Variants in FSHR observed in about 807,000 individuals in gnomAD.
FSHR encodes the protein follicle-stimulating hormone receptor.
FSHR carries 46 observed loss-of-function variants against 52.1 expected under a neutral mutation model. The ratio of observed to expected loss-of-function variants is 0.88; its 90% confidence interval spans 0.70 to 1.13. FSHR has a LOEUF of 1.13. FSHR is among the 50% of genes most tolerant of loss of function. The pLI is 0.00. For synonymous variants in FSHR, 399 were observed against 309.6 expected (o/e 1.29, Z -3.03); for missense variants, 964 against 834.6 (o/e 1.16, Z -1.91).
chr2:48,977,263 G>T (rs1675032753), intron 8 of FSHR, among the ~76,000 whole-genome samples: 1 of 152,096 alleles, frequency 6.6e-6, no homozygotes, highest in African/African-American at 2.4e-5. Context: ...TAGTTATTCT[G>T]GGCAATCATA....
At chr2:49,128,690 T>C (rs909172681) in intron 1 of FSHR, among the ~76,000 whole-genome samples, 1 of 149,046 alleles carries the variant, frequency 6.7e-6, no homozygotes, top group Admixed American at 6.7e-5. Flanking sequence ...TTTTTTTTTT[T>C]CTATAAAAAT....
chr2:49,116,733 G>A (rs1032010073), intron 1 of FSHR, among the ~76,000 whole-genome samples: 30 of 151,908 alleles, frequency 2.0e-4, no homozygotes, highest in Admixed American at 1.2e-3. Context: ...ATTTTTAATT[G>A]ACAAATAATG....
intron 1 of FSHR, among the ~76,000 whole-genome samples, chr2:49,093,099 T>C (rs185226085): frequency 1.4e-4 from 21 of 152,366 alleles, no homozygotes; most frequent in African/African-American, 4.8e-4. Context: ...TCATCCATAT[T>C]CATGAAGGAA....
At chr2:48,976,445 T>C (rs1674991909) in intron 8 of FSHR, among the ~76,000 whole-genome samples, 1 of 152,142 alleles carries the variant, frequency 6.6e-6, no homozygotes, top group African/African-American at 2.4e-5. Flanking sequence ...GCCTGAAATT[T>C]TTCTTTTTCT....
At chr2:49,113,306 C>A (rs554983584) in intron 1 of FSHR, among the ~76,000 whole-genome samples, 26 of 152,310 alleles carry the variant, frequency 1.7e-4, no homozygotes, top group African/African-American at 6.3e-4. Context: ...TGGCTGTATG[C>A]AGCTCTGTGC....
chr2:49,154,129 A>G, intron 1 of FSHR, 137 bp downstream of exon 1: 3 of 875,012 alleles, frequency 3.4e-6, no homozygotes, highest in Non-Finnish European at 5.6e-6. Context: ...CTGGGGAGTT[A>G]GTTGTTTTAT....
chr2:49,009,140 T>C (rs1667177333), intron 4 of FSHR, among the ~76,000 whole-genome samples: 1 of 151,952 alleles, frequency 6.6e-6, no homozygotes, highest in Admixed American at 6.6e-5. Flanking sequence ...AGTTTTCTTC[T>C]AGGGTTTTTA....
At chr2:49,030,271 AGTGTGTGT>A (rs141079184) in intron 2 of FSHR, among the ~76,000 whole-genome samples, 3,245 of 140,412 alleles carry the variant, frequency 0.023, 86 homozygotes, top group African/African-American at 0.064. Context: ...AGGAATAGCA[AGTGTGTGT>A]GTGTGTGTGT....
intron 1 of FSHR, among the ~76,000 whole-genome samples, chr2:49,116,886 T>C (rs529203154): frequency 6.6e-6 from 1 of 152,244 alleles, no homozygotes; most frequent in East Asian, 1.9e-4. Context: ...AAAACGAAAA[T>C]AAAGGAGCAT....
At position 48,963,892 on chromosome 2, in the gene FSHR, T is replaced by C. The variant is rs552219981; in HGVS notation, c.929A>G (p.Gln310Arg). Residue 310 changes from glutamine (Q) to arginine (R), a missense_variant, in exon 10 of 10, where the codon CAG (glutamine) becomes CGG (arginine). Physicochemically the swap from Gln to Arg is conservative, Grantham distance 43 (BLOSUM62 1). Coordinates refer to ENST00000406846, the MANE Select transcript of FSHR (RefSeq NM_000145.4). Reference protein sequence around the residue: ...EVDYMTQARGQRSSLAEDNES... With the variant: ...EVDYMTQARGRRSSLAEDNES... ...ATTGTCTTCTGCCAGAGAGGATCTC[T>C]GACCCCTAGCCTGAGTCATATAATC... 6.2e-7 allele frequency: 1 copy of C among 1,614,010 alleles called. No individual in the cohort carries two copies. Among genetic ancestry groups the C allele is most frequent in the Non-Finnish European group, 8.5e-7 (1 of 1,179,872 alleles).
chr2:49,049,375 T>A (rs1668772870), intron 2 of FSHR, among the ~76,000 whole-genome samples: 1 of 152,108 alleles, frequency 6.6e-6, no homozygotes, highest in Non-Finnish European at 1.5e-5. Context: ...GGAAGAAGAT[T>A]GCGTTTGATA....
At chr2:49,148,129 C>G (rs1409593999) in intron 1 of FSHR, among the ~76,000 whole-genome samples, 2 of 151,984 alleles carry the variant, frequency 1.3e-5, no homozygotes, top group Non-Finnish European at 2.9e-5. Flanking sequence ...TGGGCAAAAT[C>G]ACTTTCCTCT....
At chr2:48,964,000 C>A (rs1278404676) in intron 9 of FSHR, 34 bp from the exon 10 acceptor site, 1 of 1,595,320 alleles carries the variant, frequency 6.3e-7, no homozygotes, top group East Asian at 2.2e-5. Flanking sequence ...GAATCAACAT[C>A]TCAGATCCAG....
At chr2:49,068,436 C>T (rs1669594520) in intron 1 of FSHR, 146 bp from the exon 2 acceptor site, 1 of 712,056 alleles carries the variant, frequency 1.4e-6, no homozygotes, top group Admixed American at 2.0e-5. Context: ...TCTCTCTTTT[C>T]ATCCTGTCTA....
intron 1 of FSHR, among the ~76,000 whole-genome samples, chr2:49,114,817 G>C (rs568117083): frequency 2.9e-4 from 44 of 152,130 alleles, no homozygotes; most frequent in African/African-American, 1.0e-3. Flanking sequence ...GACAATAAAA[G>C]CTTACTGGGC....
At chr2:48,985,702 T>C in intron 6 of FSHR, among the ~76,000 whole-genome samples, 1 of 131,442 alleles carries the variant, frequency 7.6e-6, no homozygotes, top group African/African-American at 3.0e-5. Flanking sequence ...TACAGGTTTT[T>C]TTTTTTTTTT....
intron 1 of FSHR, among the ~76,000 whole-genome samples, chr2:49,098,433 C>A (rs1670904003): frequency 6.6e-6 from 1 of 151,920 alleles, no homozygotes; most frequent in South Asian, 2.1e-4. Flanking sequence ...AGAAGTGATG[C>A]TTGGATTAAA....
At chr2:49,038,895 T>C (rs1668387990) in intron 2 of FSHR, among the ~76,000 whole-genome samples, 1 of 151,874 alleles carries the variant, frequency 6.6e-6, no homozygotes, top group Non-Finnish European at 1.5e-5. Context: ...TCCAGAACAA[T>C]AGAGAAGGAG....
intron 1 of FSHR, among the ~76,000 whole-genome samples, chr2:49,144,367 A>T (rs1040949500): frequency 6.6e-6 from 1 of 152,104 alleles, no homozygotes; most frequent in Non-Finnish European, 1.5e-5. Flanking sequence ...TAATTTTCCT[A>T]TCTGACTAGC....
Sources: gnomAD v4.1 joint callset for allele counts (sites outside exome capture counted in the v4.1 genomes callset) on GRCh38, gnomAD v4.1.1 for gene constraint, MANE v1.5 for transcripts, NCBI Gene and HGNC (gene_info 2026-07-23, HGNC 2026-07-21) for gene names.